CNTN4: variants seen among roughly 807,000 people sequenced by gnomAD.
The protein encoded by CNTN4 is contactin-4.
Under a neutral mutation model 122.5 loss-of-function variants are expected in CNTN4, and 77 were observed. The ratio of observed to expected loss-of-function variants is 0.63; its 90% confidence interval spans 0.52 to 0.76. CNTN4 has a LOEUF of 0.76. Among genes scored for constraint, CNTN4 ranks in the 30% least tolerant of loss-of-function variants. The pLI, the probability that CNTN4 is intolerant of heterozygous loss-of-function variation, is 0.00. For synonymous variants in CNTN4, 512 were observed against 447.0 expected, an observed-to-expected ratio of 1.15 and a Z score of -1.83; for missense variants, 1,256 against 1,259.1, an observed-to-expected ratio of 1.00 and a Z score of 0.04.
At chr3:2,906,003 C>T (rs1029870386) in intron 12 of CNTN4, among the ~76,000 whole-genome samples, 3 of 152,084 alleles carry the variant, frequency 2.0e-5, no homozygotes, top group South Asian at 4.1e-4. Context: ...TACTATGTAG[C>T]CATAAAGAAA....
chr3:2,538,057 G>A (rs1401566555), intron 3 of CNTN4, among the ~76,000 whole-genome samples: 1 of 151,894 alleles, frequency 6.6e-6, no homozygotes, highest in Non-Finnish European at 1.5e-5. Context: ...ATTACTTAAG[G>A]TGATATCATA....
At chr3:2,874,779 A>C (rs1336406146) in intron 8 of CNTN4, among the ~76,000 whole-genome samples, 2 of 152,222 alleles carry the variant, frequency 1.3e-5, no homozygotes, top group Admixed American at 6.5e-5. Context: ...AGAGTCAGAC[A>C]ATCTAAGATA....
At chr3:2,619,412 A>G (rs2081910051) in intron 4 of CNTN4, among the ~76,000 whole-genome samples, 1 of 152,240 alleles carries the variant, frequency 6.6e-6, no homozygotes, top group Non-Finnish European at 1.5e-5. Context: ...ATATTTTCAA[A>G]TGAATATCTT....
At chr3:2,708,774 A>G (rs557605142) in intron 4 of CNTN4, among the ~76,000 whole-genome samples, 3 of 150,290 alleles carry the variant, frequency 2.0e-5, no homozygotes, top group African/African-American at 7.4e-5. Context: ...CACACTGCCC[A>G]GAAGAAAATG....
intron 2 of CNTN4, among the ~76,000 whole-genome samples, chr3:2,131,433 A>T (rs903989397): frequency 2.0e-5 from 3 of 152,190 alleles, no homozygotes; most frequent in African/African-American, 7.2e-5. Flanking sequence ...CTCAGTAGCA[A>T]CACTTCTTTG....
chr3:2,545,777 G>A (rs2078219595), intron 3 of CNTN4, among the ~76,000 whole-genome samples: 1 of 151,770 alleles, frequency 6.6e-6, no homozygotes, highest in Non-Finnish European at 1.5e-5. Context: ...TGTGAGGTAG[G>A]CCTCTCTTGA....
rs2081023668 is a variant in CNTN4, at chr3:2,601,080, C to T, written c.55+29522C>T. Among the ~76,000 whole-genome samples, 4 of 151,996 alleles carry T rather than the reference C, an allele frequency of 2.6e-5. No homozygotes were observed. In the South Asian group the frequency reaches 6.2e-4, roughly 24 times the overall value. Reference sequence around the variant, plus strand: ...TTTTTCTTGTAAATTTGTTTGAGTTCTTTGTAGATTCTGGATATTAGCCCT... The same window carrying T: ...TTTTTCTTGTAAATTTGTTTGAGTTTTTTGTAGATTCTGGATATTAGCCCT... On this transcript the variant is annotated intron_variant, in intron 4 of 24. Coordinates refer to ENST00000418658, the MANE Select transcript of CNTN4 (RefSeq NM_175607.3).
intron 4 of CNTN4, chr3:2,629,630 T>G (rs1323378229): frequency 7.7e-5 from 33 of 427,246 alleles, no homozygotes; most frequent in Non-Finnish European, 1.5e-4. Flanking sequence ...AGCACCAGCT[T>G]TCTTAGTTTT....
At chr3:2,348,130 A>G (rs1353815784) in intron 3 of CNTN4, among the ~76,000 whole-genome samples, 1 of 152,174 alleles carries the variant, frequency 6.6e-6, no homozygotes, top group African/African-American at 2.4e-5. Context: ...ATTCCCCAAG[A>G]GTGGTTCTGC....
At chr3:2,515,754 A>T (rs2077021612) in intron 3 of CNTN4, among the ~76,000 whole-genome samples, 1 of 152,160 alleles carries the variant, frequency 6.6e-6, no homozygotes, top group South Asian at 2.1e-4. Context: ...TCATTTGAGA[A>T]TCTTTACTGC....
intron 2 of CNTN4, among the ~76,000 whole-genome samples, chr3:2,307,624 A>G (rs569673264): frequency 4.0e-5 from 6 of 151,800 alleles, no homozygotes; most frequent in African/African-American, 1.5e-4. Flanking sequence ...TTTTTTTATC[A>G]TGGAAGAGTG....
chr3:2,120,387 ATATATATATATATATATATTT>A (rs200759487), intron 2 of CNTN4, among the ~76,000 whole-genome samples: 38,555 of 89,424 alleles, frequency 0.43, 7,216 homozygotes, highest in Admixed American at 0.55. Context: ...ATATATATAT[ATATATATATATATATATATTT>A]TTTTTTTTTT....
intron 7 of CNTN4, among the ~76,000 whole-genome samples, chr3:2,820,883 A>C (rs1576929231): frequency 6.6e-6 from 1 of 151,194 alleles, no homozygotes; most frequent in African/African-American, 2.4e-5. Context: ...TTAGGAATGC[A>C]CTTGACTGCA....
intron 4 of CNTN4, among the ~76,000 whole-genome samples, chr3:2,607,260 A>T (rs2149793767): frequency 6.6e-6 from 1 of 152,324 alleles, no homozygotes; most frequent in African/African-American, 2.4e-5. Context: ...AATATGTGCT[A>T]CCTACAATCT....
chr3:2,105,717 A>G (rs547137384), intron 2 of CNTN4, among the ~76,000 whole-genome samples: 86 of 152,302 alleles, frequency 5.6e-4, no homozygotes, highest in Non-Finnish European at 9.6e-4. Context: ...GCCAAACCAT[A>G]TCATTCTGCC....
At chr3:2,189,403 G>A (rs1158049882) in intron 2 of CNTN4, among the ~76,000 whole-genome samples, 1 of 152,202 alleles carries the variant, frequency 6.6e-6, no homozygotes, top group Non-Finnish European at 1.5e-5. Context: ...GAACTCAGCA[G>A]ATCTCTCTGG....
At chr3:2,820,796 G>A (rs1206004805) in intron 7 of CNTN4, among the ~76,000 whole-genome samples, 1 of 151,508 alleles carries the variant, frequency 6.6e-6, no homozygotes, top group Non-Finnish European at 1.5e-5. Flanking sequence ...CAGTATCACA[G>A]GATCAGACCA....
chr3:2,384,675 C>T (rs898972791), intron 3 of CNTN4, among the ~76,000 whole-genome samples: 1 of 152,082 alleles, frequency 6.6e-6, no homozygotes, highest in Non-Finnish European at 1.5e-5. Flanking sequence ...ACTCTCACAT[C>T]TCCCATGCTC....
chr3:2,492,815 G>C (rs2076354359), intron 3 of CNTN4, among the ~76,000 whole-genome samples: 1 of 152,138 alleles, frequency 6.6e-6, no homozygotes, highest in Non-Finnish European at 1.5e-5. Context: ...CCGCATGCCA[G>C]TACCCTAATT....
Sources: gnomAD v4.1 joint callset for allele counts (sites outside exome capture counted in the v4.1 genomes callset) on GRCh38, gnomAD v4.1.1 for gene constraint, MANE v1.5 for transcripts, NCBI Gene and HGNC (gene_info 2026-07-23, HGNC 2026-07-21) for gene names.